IPO8: variants seen among roughly 807,000 people sequenced by gnomAD.
IPO8 encodes importin-8.
A neutral mutation model predicts 141.2 loss-of-function variants in IPO8; 65 were observed. That is an observed-to-expected ratio of 0.46 (90% CI 0.38 to 0.57). The LOEUF is 0.57. IPO8 is among the 20% of genes least tolerant of loss of function. The pLI is 0.00. For synonymous variants in IPO8, 411 were observed against 420.3 expected, an observed-to-expected ratio of 0.98 and a Z score of 0.27; for missense variants, 980 against 1,246.8, an observed-to-expected ratio of 0.79 and a Z score of 3.22.
intron 10 of IPO8, 70 bp from the exon 11 acceptor site, chr12:30,666,321 T>TG: frequency 8.5e-7 from 1 of 1,175,418 alleles, no homozygotes; most frequent in South Asian, 1.5e-5. Context: ...TAAACCTGAC[T>TG]GACCGCTATT....
In IPO8 at chr12:30,662,417, T is replaced by C. The variant is rs1386828180; in HGVS notation, c.1665A>G (p.Glu555=). 6.2e-7 allele frequency: 1 copy of C among 1,613,400 alleles called. No individual in the cohort carries two copies. Among genetic ancestry groups the C allele is most frequent in the East Asian group, 2.2e-5 (1 of 44,854 alleles). ...QELLHIVRET[E]NDDVTNVIQK... ...GGATGACATTAGTAACATCATCATT[T>C]TCTGTCTCTCTAACAATGTGCAACA... The change falls in exon 15 of 25, where the codon GAA becomes GAG. Residue 555 remains glutamate, a synonymous_variant. Transcript: ENST00000256079.
intron 19 of IPO8, among the ~76,000 whole-genome samples, chr12:30,649,933 A>G (rs962675466): frequency 1.3e-5 from 2 of 152,108 alleles, no homozygotes; most frequent in African/African-American, 4.8e-5. Context: ...TGATTCAAAT[A>G]TAAGACATAA....
chr12:30,666,333 C>T, intron 10 of IPO8, 82 bp from the exon 11 acceptor site: 1 of 999,242 alleles, frequency 1.0e-6, no homozygotes, highest in Non-Finnish European at 1.5e-6. Flanking sequence ...ACCGCTATTC[C>T]AAACCAAAAA....
chr12:30,691,810 G>T (rs1047014199), intron 1 of IPO8, among the ~76,000 whole-genome samples: 1 of 152,178 alleles, frequency 6.6e-6, no homozygotes, highest in Non-Finnish European at 1.5e-5. Flanking sequence ...GACACAACTG[G>T]CATTTTAAAA....
chr12:30,674,621 T>C (rs1392850589), intron 7 of IPO8, 38 bp downstream of exon 7: 29 of 1,371,644 alleles, frequency 2.1e-5, no homozygotes, highest in Non-Finnish European at 3.0e-5. Context: ...ACTGAGATAC[T>C]GGCTGTATGA....
chr12:30,634,379 T>G, intron 22 of IPO8, 93 bp from the exon 23 acceptor site: 1 of 957,160 alleles, frequency 1.0e-6, no homozygotes, highest in South Asian at 1.7e-5. Context: ...AAAACTACAC[T>G]CTGGAAAGGA....
rs762550956 is a variant in IPO8, at chr12:30,636,986, T to A, written c.2691A>T (p.Glu897Asp). Residue 897 changes from glutamate to aspartate, a missense_variant, in exon 22 of 25, where the codon GAA becomes GAT. Physicochemically the swap from Glu to Asp is conservative, Grantham distance 45. Coordinates refer to ENST00000256079, the MANE Select transcript of IPO8 (RefSeq NM_006390.4). ...ATTTCAATTAGAAGACTTTACCATT[T>A]TCTTCCATATCAGCTTTCTCTGCTT... The part of the protein sequence containing the change: ...RSKAEKADME[E>D]NEEISSDEEE... The A allele has an allele frequency of 6.2e-7, 1 of 1,613,048 alleles. No homozygotes were observed. Among genetic ancestry groups the A allele is most frequent in the South Asian group, 1.1e-5 (1 of 91,054 alleles).
intron 2 of IPO8, chr12:30,688,369 C>T (rs151003563): frequency 3.8e-5 from 16 of 422,060 alleles, no homozygotes; most frequent in Admixed American, 2.5e-4. Context: ...CCAGTGAGCA[C>T]GCTTGATGGT....
chr12:30,644,883 C>A (rs1439359839), intron 20 of IPO8, among the ~76,000 whole-genome samples: 1 of 151,216 alleles, frequency 6.6e-6, no homozygotes, highest in Non-Finnish European at 1.5e-5. Flanking sequence ...AAACTCCTAA[C>A]CTCAGGTGAT....
chr12:30,648,002 G>A (rs1343429359), intron 20 of IPO8, among the ~76,000 whole-genome samples: 1 of 152,194 alleles, frequency 6.6e-6, no homozygotes, highest in Non-Finnish European at 1.5e-5. Context: ...TATCATTGCT[G>A]TAGGAATGGA....
In IPO8 at chr12:30,661,276, T is replaced by C. The variant is rs200696460; in HGVS notation, c.1756-10A>G. 19 of 1,576,940 alleles carry C rather than the reference T, an allele frequency of 1.2e-5. No homozygotes were observed. Among genetic ancestry groups the C allele is most frequent in the Non-Finnish European group, 1.4e-5 (16 of 1,165,304 alleles). On this transcript the variant is annotated splice_polypyrimidine_tract_variant and intron_variant, in intron 15 of 24. Coordinates refer to ENST00000256079, the MANE Select transcript of IPO8 (RefSeq NM_006390.4). ...TGCCAAATATCTCAGCCTATGAAAA[T>C]AACATTAAAGTATTCCGCAATTAGT...
chr12:30,651,865 AT>A (rs2052731545), intron 19 of IPO8, among the ~76,000 whole-genome samples: 1 of 152,144 alleles, frequency 6.6e-6, no homozygotes, highest in South Asian at 2.1e-4. Flanking sequence ...AAATTAAAAA[AT>A]AAAAAAGATC....
intron 14 of IPO8, 115 bp from the exon 15 acceptor site, chr12:30,662,602 T>G: frequency 1.3e-6 from 1 of 742,882 alleles, no homozygotes; most frequent in Non-Finnish European, 2.4e-6. Context: ...AGGTTCTAGA[T>G]ACACACTTGC....
intron 2 of IPO8, among the ~76,000 whole-genome samples, chr12:30,685,954 G>A (rs1250104095): frequency 2.1e-5 from 3 of 142,202 alleles, no homozygotes; most frequent in Non-Finnish European, 4.6e-5. Context: ...ATACCATAAA[G>A]AATACACCAA....
chr12:30,684,526 A>G lies in IPO8; in HGVS notation c.167-69T>C, dbSNP rs2053221015. The stretch of plus-strand genomic sequence containing the variant: ...TGGCTTTAATTCAGCCTTACAGAGC[A>G]TGAAAGTCCAAACCCTTCAATGTTA... On this transcript the variant is annotated intron_variant, in intron 2 of 24. Transcript: ENST00000256079. 3 of 1,483,252 alleles carry G rather than the reference A, an allele frequency of 2.0e-6. No homozygotes were observed. In the East Asian group the frequency reaches 6.8e-5, roughly 34 times the overall value. 91.9% of individuals were successfully genotyped at this position (1,483,252 alleles called of 1,614,324 possible).
rs1390310536 is a variant in IPO8 at position 30,695,330 on chromosome 12, A to T, written c.84+234T>A. Among the ~76,000 whole-genome samples the T allele has an allele frequency of 2.6e-5, 4 of 152,186 alleles. No individual in the cohort carries two copies. Among genetic ancestry groups the T allele is most frequent in the Non-Finnish European group, 5.9e-5 (4 of 68,040 alleles). On this transcript the variant is annotated intron_variant, in intron 1 of 24. Coordinates refer to ENST00000256079, the MANE Select transcript of IPO8 (RefSeq NM_006390.4). This position sits in a 1 kb window ranked among gnomAD's most constrained non-coding sequence, Gnocchi z 4.2. ...GAACAAACTGCCCTGGAGAAGGGAG[A>T]CGACACGAAAAGGTGCAAAGGTGGC...
intron 3 of IPO8, among the ~76,000 whole-genome samples, chr12:30,682,237 T>TA (rs2053196414): frequency 6.6e-6 from 1 of 152,108 alleles, no homozygotes; most frequent in Admixed American, 6.6e-5. Context: ...TACAAGTAAG[T>TA]ACAAAGAAGG....
In IPO8 at chr12:30,631,929, C is replaced by T. The variant is rs748607888; in HGVS notation, c.2982G>A (p.Val994=). ...SEDQRTALQE[V]YTLAEHRRTV... ...TCCGTCGGTGCTCTGCCAGTGTGTA[C>T]ACCTCCTGCAGTGCTGTCCTCTGAT... The change falls in exon 24 of 25, where the codon GTG becomes GTA. Residue 994 remains valine, a synonymous_variant. Transcript: ENST00000256079. 1.2e-6 allele frequency: 2 copies of T among 1,612,824 alleles called. No homozygotes were observed. Among genetic ancestry groups the T allele is most frequent in the Admixed American group, 3.3e-5 (2 of 60,002 alleles).
chr12:30,663,903 C>A (rs1337331467), intron 13 of IPO8, among the ~76,000 whole-genome samples: 3 of 152,092 alleles, frequency 2.0e-5, no homozygotes, highest in African/African-American at 4.8e-5. Flanking sequence ...CCAAATATGT[C>A]TTTGACAAAA....
Sources: allele counts gnomAD v4.1 joint callset (sites outside exome capture counted in the v4.1 genomes callset), GRCh38; gene constraint gnomAD v4.1.1; non-coding constraint Gnocchi (gnomAD v3.1); transcripts MANE v1.5; gene names NCBI Gene and HGNC (gene_info 2026-07-23, HGNC 2026-07-21).